MPV17: variants seen among roughly 807,000 people sequenced by gnomAD.
MPV17 encodes MPV17, mitochondrial inner membrane protein.
MPV17 carries 31 observed loss-of-function variants against 28.6 expected under a neutral mutation model. That is an observed-to-expected ratio of 1.08 (90% confidence interval 0.81 to 1.46). The LOEUF (loss-of-function observed/expected upper bound fraction) is 1.46. Ranked by LOEUF, MPV17 falls within the 40% of genes most tolerant of loss-of-function variation. The probability of loss-of-function intolerance (pLI) is 0.00; values close to 1 mark genes in which losing one functional copy is unlikely to be tolerated. For missense variants in MPV17, 198 were observed against 216.2 expected, an observed-to-expected ratio of 0.92 and a Z score of 0.53; for synonymous variants, 87 against 85.3, an observed-to-expected ratio of 1.02 and a Z score of -0.11.
At chr2:27,318,225 C>T (rs554106429) in intron 2 of MPV17, among the ~76,000 whole-genome samples, 64 of 33,196 alleles carry the variant, frequency 1.9e-3, no homozygotes, top group South Asian at 6.3e-3. Context: ...CCTGCCACCA[C>T]ACCCAGCTAA....
chr2:27,318,992 C>T (rs1028274321), intron 2 of MPV17, among the ~76,000 whole-genome samples: 7 of 151,798 alleles, frequency 4.6e-5, no homozygotes, highest in African/African-American at 7.3e-5. Context: ...CTCAAACTTC[C>T]GACCTCAGGT....
chr2:27,316,317 C>T (rs1394650371), intron 2 of MPV17: 4 of 1,112,570 alleles, frequency 3.6e-6, no homozygotes, highest in Non-Finnish European at 5.1e-6. Context: ...TGGAAGCCTG[C>T]AGCCTTGGAG....
chr2:27,318,670 G>C (rs752483578), intron 2 of MPV17, among the ~76,000 whole-genome samples: 14 of 152,058 alleles, frequency 9.2e-5, no homozygotes, highest in African/African-American at 3.1e-4. Context: ...TGGAATCTTT[G>C]ACCATTGTGG....
At chr2:27,313,524 G>A in intron 2 of MPV17, 2 of 398,516 alleles carry the variant, frequency 5.0e-6, no homozygotes, top group Non-Finnish European at 9.3e-6. Flanking sequence ...CACATAACCA[G>A]TAAGTGCAGG....
At chr2:27,320,257 A>C (rs1176880936) in intron 2 of MPV17, among the ~76,000 whole-genome samples, 1 of 152,030 alleles carries the variant, frequency 6.6e-6, no homozygotes, top group Non-Finnish European at 1.5e-5. Context: ...AAAAAGAAAA[A>C]AAATGTCCAA....
chr2:27,322,801 C>A (rs1323442462), intron 1 of MPV17, among the ~76,000 whole-genome samples: 1 of 152,254 alleles, frequency 6.6e-6, no homozygotes, highest in African/African-American at 2.4e-5. Context: ...CTGGAAGCCT[C>A]CGTTCCCGAC....
Position 27,312,209 on chromosome 2 carries a change from C to T in MPV17, c.408+5G>A. On this transcript the variant is annotated splice_donor_5th_base_variant and intron_variant, in intron 6 of 7. Transcript: ENST00000380044. ...AGAACAAGCAGTTGAGGTGTCAGCTCTTACATAGTAGTTGGTGATAAGGGC... is the reference window on the plus strand; with the variant it reads ...AGAACAAGCAGTTGAGGTGTCAGCTTTTACATAGTAGTTGGTGATAAGGGC... 6.2e-7 allele frequency: 1 copy of T among 1,613,976 alleles called. No individual in the cohort carries two copies. The highest frequency in any genetic ancestry group is 8.5e-7 in the Non-Finnish European group (1 of 1,179,830).
intron 2 of MPV17, among the ~76,000 whole-genome samples, chr2:27,319,859 G>T (rs1031917622): frequency 6.6e-6 from 1 of 150,896 alleles, no homozygotes; most frequent in African/African-American, 2.4e-5. Flanking sequence ...CCAGGAGGCG[G>T]AGGTTGCAGT....
chr2:27,316,233 C>T (rs1266498627), intron 2 of MPV17: 1 of 1,546,126 alleles, frequency 6.5e-7, no homozygotes, highest in Non-Finnish European at 8.7e-7. Context: ...TCATGACTTG[C>T]CAACAGTCAC....
chr2:27,310,761 T>C (rs1679402771), intron 7 of MPV17, among the ~76,000 whole-genome samples: 1 of 152,220 alleles, frequency 6.6e-6, no homozygotes, highest in African/African-American at 2.4e-5. Flanking sequence ...CGGGTTTTTT[T>C]TGAGACGGAG....
At chr2:27,321,227 G>A (rs73924414) in intron 2 of MPV17, among the ~76,000 whole-genome samples, 7,730 of 152,294 alleles carry the variant, frequency 0.051, 257 homozygotes, top group African/African-American at 0.088. Context: ...AGGGCCCAGC[G>A]TGTCAGTTCC....
intron 2 of MPV17, among the ~76,000 whole-genome samples, chr2:27,318,810 G>T (rs1679752127): frequency 6.6e-6 from 1 of 151,866 alleles, no homozygotes; most frequent in Non-Finnish European, 1.5e-5. Flanking sequence ...TGTCGCCCAG[G>T]CTGGAGTGCT....
intron 7 of MPV17, chr2:27,311,648 G>T: frequency 6.4e-7 from 1 of 1,550,738 alleles, no homozygotes; most frequent in East Asian, 2.4e-5. Context: ...AGGTGGGATG[G>T]AGACAAGGGT....
chr2:27,319,654 C>T (rs954368764), intron 2 of MPV17, among the ~76,000 whole-genome samples: 4 of 151,372 alleles, frequency 2.6e-5, no homozygotes, highest in African/African-American at 9.7e-5. Context: ...GTGGGGCCTA[C>T]TGGATCACAC....
chr2:27,320,536 G>A lies in MPV17; in HGVS notation c.70+1912C>T, dbSNP rs559834516. 6.6e-5 allele frequency among the ~76,000 whole-genome samples: 10 copies of A among 152,092 alleles called. No homozygotes were observed. The South Asian group carries it at 8.3e-4, about 13-fold the overall frequency. On this transcript the variant is annotated intron_variant, in intron 2 of 7. Coordinates refer to ENST00000380044, the MANE Select transcript of MPV17 (RefSeq NM_002437.5). The stretch of plus-strand genomic sequence containing the variant: ...TTTTTAGTAGAGACGGGGTTTCACC[G>A]TGTTAGCCAGGTTGGTCTCGATCTC...
chr2:27,314,729 G>A (rs904119654), intron 2 of MPV17, among the ~76,000 whole-genome samples: 1 of 152,150 alleles, frequency 6.6e-6, no homozygotes, highest in Non-Finnish European at 1.5e-5. Flanking sequence ...CTATCTCACC[G>A]AGTAATGAGA....
At chr2:27,313,298 C>G (rs1679531487) in intron 2 of MPV17, 189 bp from the exon 3 acceptor site, 1 of 1,321,630 alleles carries the variant, frequency 7.6e-7, no homozygotes, top group South Asian at 1.4e-5. Flanking sequence ...GGTGACACCT[C>G]ATGTGTATTC....
At chr2:27,318,510 AC>A (rs959177543) in intron 2 of MPV17, among the ~76,000 whole-genome samples, 5 of 151,714 alleles carry the variant, frequency 3.3e-5, no homozygotes, top group African/African-American at 9.7e-5. Context: ...GGCATGCGCC[AC>A]CATGCCCGGC....
rs139260352 is a variant in MPV17, at chr2:27,317,412, G to A, written c.71-4303C>T. ...ATGAGACAAAACGGGTAGTTTTGCA[G>A]CTTGTTACGTATCTAAGCTCAGATC... On this transcript the variant is annotated intron_variant, in intron 2 of 7. Transcript: ENST00000380044. This position sits in a 1 kb window ranked among gnomAD's most constrained non-coding sequence, Gnocchi z 4.0. 2.7e-4 allele frequency among the ~76,000 whole-genome samples: 41 copies of A among 152,336 alleles called. No individual in the cohort carries two copies. Among genetic ancestry groups the A allele is most frequent in the African/African-American group, 9.4e-4 (39 of 41,564 alleles).
Sources: allele counts gnomAD v4.1 joint callset (sites outside exome capture counted in the v4.1 genomes callset), GRCh38; gene constraint gnomAD v4.1.1; non-coding constraint Gnocchi (gnomAD v3.1); transcripts MANE v1.5; gene names NCBI Gene and HGNC (gene_info 2026-07-23, HGNC 2026-07-21).